BMERB1: variants seen among roughly 807,000 people sequenced by gnomAD.
BMERB1 encodes bMERB domain containing 1.
In BMERB1, 12 loss-of-function variants were observed where a neutral mutation model predicts 23.6. The observed-to-expected ratio is 0.51, with a 90% CI of 0.33 to 0.82. The LOEUF is 0.82. Among genes scored for constraint, BMERB1 ranks in the 40% least tolerant of loss-of-function variants. The pLI is 0.03. For synonymous variants in BMERB1, 122 were observed against 96.6 expected (o/e 1.26, Z -1.54); for missense variants, 247 against 255.4 (o/e 0.97, Z 0.22).
intron 2 of BMERB1, among the ~76,000 whole-genome samples, chr16:15,527,084 A>G (rs1412344718): frequency 6.6e-6 from 1 of 151,826 alleles, no homozygotes; most frequent in African/African-American, 2.4e-5. Context: ...GGCAAAATAT[A>G]TATAATATTT....
At chr16:15,453,733 G>A (rs746967215) in intron 1 of BMERB1, among the ~76,000 whole-genome samples, 1 of 152,046 alleles carries the variant, frequency 6.6e-6, no homozygotes, top group Non-Finnish European at 1.5e-5. Context: ...AATTAGCTAG[G>A]TGTGGTGGCA....
At position 15,560,084 on chromosome 16, in the gene BMERB1, T is replaced by TAG. The variant is rs372299871; in HGVS notation, c.231-7885_231-7884dup. 7.0e-3 allele frequency among the ~76,000 whole-genome samples: 1,043 copies of TAG among 150,032 alleles called. 11 individuals carry two copies. Among genetic ancestry groups the TAG allele is most frequent in the African/African-American group, 0.024 (985 of 40,966 alleles). The stretch of plus-strand genomic sequence containing the variant: ...TTTAGCGGAAGGTGTGTGGAGGAGG[T>TAG]AGAGAGAGAGAGAGAAGAGATGAGA... On this transcript the variant is annotated intron_variant, in intron 2 of 5. Transcript: ENST00000300006.
At chr16:15,580,985 C>T (rs2030999697) in intron 3 of BMERB1, among the ~76,000 whole-genome samples, 1 of 152,072 alleles carries the variant, frequency 6.6e-6, no homozygotes, top group African/African-American at 2.4e-5. Context: ...CAACCTCCGC[C>T]TCCCAGGTTC....
intron 1 of BMERB1, among the ~76,000 whole-genome samples, chr16:15,498,015 C>A (rs1018449956): frequency 1.3e-5 from 2 of 152,172 alleles, no homozygotes; most frequent in African/African-American, 4.8e-5. Context: ...CCTCACTTAA[C>A]CTCCATACCA....
At chr16:15,528,434 T>C (rs1409310926) in intron 2 of BMERB1, among the ~76,000 whole-genome samples, 1 of 152,170 alleles carries the variant, frequency 6.6e-6, no homozygotes, top group African/African-American at 2.4e-5. Context: ...TGAAGAGTCA[T>C]AAACATTTAC....
rs1440889944 is a variant in BMERB1, at chr16:15,587,666, C to T, written c.*837C>T. On this transcript the variant is annotated 3_prime_UTR_variant, in exon 6 of 6. Transcript: ENST00000300006. The stretch of plus-strand genomic sequence containing the variant: ...CATTCCGGGGCCACCACAGAGATGC[C>T]AGCAGGATGCCACTTTGCCAGCCCG... The T allele has an allele frequency of 6.3e-6, 2 of 316,930 alleles. No homozygotes were observed. The highest frequency in any genetic ancestry group is 2.2e-5 in the African/African-American group (1 of 45,260). The allele number at this position is 316,930 out of a possible 1,614,324, so 19.6% of individuals were successfully genotyped here.
chr16:15,571,553 A>T (rs1313725239), intron 3 of BMERB1, among the ~76,000 whole-genome samples: 2 of 151,886 alleles, frequency 1.3e-5, no homozygotes, highest in Non-Finnish European at 2.9e-5. Flanking sequence ...GTGGGGTTTC[A>T]CCGTGTTAGC....
intron 2 of BMERB1, among the ~76,000 whole-genome samples, chr16:15,549,897 T>G (rs1390360187): frequency 6.6e-6 from 1 of 152,188 alleles, no homozygotes; most frequent in Non-Finnish European, 1.5e-5. Flanking sequence ...TTCCCATTTC[T>G]TTATTTCATT....
chr16:15,570,363 G>A (rs1302213685), intron 3 of BMERB1, among the ~76,000 whole-genome samples: 1 of 152,178 alleles, frequency 6.6e-6, no homozygotes, highest in African/African-American at 2.4e-5. Flanking sequence ...AGCATGATGA[G>A]CCTTAGAGCA....
intron 1 of BMERB1, among the ~76,000 whole-genome samples, chr16:15,442,063 G>A (rs993994496): frequency 3.1e-4 from 47 of 152,278 alleles, no homozygotes; most frequent in African/African-American, 1.1e-3. Flanking sequence ...GGGCACAGTG[G>A]CTGAAGCCTG....
intron 1 of BMERB1, among the ~76,000 whole-genome samples, chr16:15,480,400 C>T (rs2051309798): frequency 6.6e-6 from 1 of 152,016 alleles, no homozygotes; most frequent in Non-Finnish European, 1.5e-5. Flanking sequence ...AGGCGTGAGC[C>T]ACTGCACCTG....
intron 1 of BMERB1, among the ~76,000 whole-genome samples, chr16:15,460,066 A>G (rs984082967): frequency 1.3e-5 from 2 of 152,060 alleles, no homozygotes; most frequent in East Asian, 3.9e-4. Flanking sequence ...TGCCAGTTCT[A>G]CTGTTGGATG....
intron 1 of BMERB1, among the ~76,000 whole-genome samples, chr16:15,475,817 C>T (rs1314417000): frequency 6.6e-6 from 1 of 152,102 alleles, no homozygotes; most frequent in African/African-American, 2.4e-5. Flanking sequence ...CAACTTTAAT[C>T]TCCTGTCAAT....
intron 1 of BMERB1, among the ~76,000 whole-genome samples, chr16:15,484,655 G>T (rs1308830775): frequency 6.6e-6 from 1 of 152,102 alleles, no homozygotes; most frequent in Non-Finnish European, 1.5e-5. Flanking sequence ...GCCCACCTTG[G>T]CCTCCCAAAG....
At chr16:15,444,124 T>TG (rs2050967565) in intron 1 of BMERB1, among the ~76,000 whole-genome samples, 1 of 43,320 alleles carries the variant, frequency 2.3e-5, no homozygotes, top group African/African-American at 6.5e-5. Flanking sequence ...ACCAGCTTTG[T>TG]TTTTTTTTTT....
intron 4 of BMERB1, among the ~76,000 whole-genome samples, chr16:15,582,196 C>G (rs2031032589): frequency 6.6e-6 from 1 of 152,170 alleles, no homozygotes; most frequent in African/African-American, 2.4e-5. Context: ...GTCAGGAGTT[C>G]AAGACCAGCC....
intron 2 of BMERB1, among the ~76,000 whole-genome samples, chr16:15,563,794 A>G (rs906115593): frequency 4.6e-5 from 7 of 152,104 alleles, no homozygotes; most frequent in African/African-American, 1.2e-4. Context: ...CCATGATCCA[A>G]TCACCTCCCC....
intron 1 of BMERB1, among the ~76,000 whole-genome samples, chr16:15,460,825 CAG>C (rs1426542433): frequency 1.3e-5 from 2 of 152,042 alleles, no homozygotes; most frequent in East Asian, 3.9e-4. Flanking sequence ...AGTGCTTTAT[CAG>C]AGGAAAAAAG....
intron 1 of BMERB1, among the ~76,000 whole-genome samples, chr16:15,466,618 A>G (rs936580978): frequency 3.3e-5 from 5 of 152,128 alleles, no homozygotes; most frequent in East Asian, 1.9e-4. Flanking sequence ...TTTTACCCCA[A>G]TGGTGACATT....
Sources: allele counts gnomAD v4.1 joint callset (sites outside exome capture counted in the v4.1 genomes callset), GRCh38; gene constraint gnomAD v4.1.1; transcripts MANE v1.5; gene names NCBI Gene and HGNC (gene_info 2026-07-23, HGNC 2026-07-21).